The following XYLT1 variants were observed in gnomAD, a reference collection of about 807,000 sequenced individuals.
The protein encoded by XYLT1 is beta-D-xylosyltransferase 1.
XYLT1 carries 36 observed loss-of-function variants against 91.3 expected under a neutral mutation model. The ratio of observed to expected loss-of-function variants is 0.39; its 90% CI spans 0.30 to 0.52. The LOEUF (loss-of-function observed/expected upper bound fraction) is 0.52, where lower values mean the gene tolerates loss of function less well. XYLT1 is among the 20% of genes least tolerant of loss of function. The pLI, the probability that XYLT1 is intolerant of heterozygous loss-of-function variation, is 0.68. For missense variants in XYLT1, 1,242 were observed against 1,284.5 expected (o/e 0.97, Z 0.51); for synonymous variants, 588 against 532.0 (o/e 1.11, Z -1.45).
chr16:17,219,542 T>C (rs1291575246), intron 3 of XYLT1, among the ~76,000 whole-genome samples: 3 of 152,150 alleles, frequency 2.0e-5, no homozygotes, highest in African/African-American at 7.2e-5. Flanking sequence ...TCCAGGCAGG[T>C]CACTCTTCGA....
chr16:17,445,793 T>C (rs2036584202), intron 1 of XYLT1: 1 of 152,248 alleles, frequency 6.6e-6, no homozygotes, highest in Non-Finnish European at 1.5e-5. Context: ...ACACAAGCGC[T>C]TGTTCTCAGG....
At chr16:17,360,572 G>C (rs2035367903) in intron 1 of XYLT1, among the ~76,000 whole-genome samples, 1 of 152,152 alleles carries the variant, frequency 6.6e-6, no homozygotes, top group Non-Finnish European at 1.5e-5. Flanking sequence ...ATTAATACTT[G>C]GGTTTCACTT....
chr16:17,459,073 G>A (rs2036781590), intron 1 of XYLT1, among the ~76,000 whole-genome samples: 2 of 152,026 alleles, frequency 1.3e-5, no homozygotes, highest in African/African-American at 2.4e-5. Flanking sequence ...AAGAACGCAG[G>A]CAATATTTAA....
intron 2 of XYLT1, among the ~76,000 whole-genome samples, chr16:17,287,853 T>G (rs2034164911): frequency 6.6e-6 from 1 of 151,702 alleles, no homozygotes; most frequent in South Asian, 2.1e-4. Context: ...TACCAGGAGC[T>G]TAACATTTAC....
intron 3 of XYLT1, among the ~76,000 whole-genome samples, chr16:17,238,312 G>T (rs2033279905): frequency 6.6e-6 from 1 of 152,212 alleles, no homozygotes; most frequent in Non-Finnish European, 1.5e-5. Context: ...TAAAGAGTTA[G>T]ACTGTAAATA....
intron 3 of XYLT1, among the ~76,000 whole-genome samples, chr16:17,233,189 G>A (rs757346126): frequency 5.5e-4 from 84 of 152,278 alleles, no homozygotes; most frequent in Non-Finnish European, 1.1e-3. Flanking sequence ...AAAGCAACTC[G>A]ATGAGAATTT....
chr16:17,200,711 G>C, intron 3 of XYLT1, 57 bp from the exon 4 acceptor site: 2 of 1,579,916 alleles, frequency 1.3e-6, no homozygotes, highest in Middle Eastern at 1.7e-4. Context: ...ATCCTTTGCA[G>C]GGGTGGGAAG....
At chr16:17,408,164 C>A (rs1202528603) in intron 1 of XYLT1, among the ~76,000 whole-genome samples, 1 of 152,208 alleles carries the variant, frequency 6.6e-6, no homozygotes, top group Non-Finnish European at 1.5e-5. Flanking sequence ...ACGATGATAG[C>A]CTCTCAGAGC....
At chr16:17,422,207 T>C (rs2036259046) in intron 1 of XYLT1, among the ~76,000 whole-genome samples, 1 of 151,908 alleles carries the variant, frequency 6.6e-6, no homozygotes, top group Non-Finnish European at 1.5e-5. Context: ...AACTTTTTAA[T>C]CTTTGTAGAG....
Position 17,127,825 on chromosome 16 carries a change from G to A in XYLT1, c.2064C>T (p.Leu688=). ...CCTGGAAGCGGTCAGCAAGGAAGTA[G>A]AGGTGCACAGATGCTGGGTGGCCCA... ...YPMGHPASVH[L]YFLADRFQGF... is the part of the protein sequence containing the mutation. The change falls in exon 10 of 12, where the codon CTC becomes CTT. Residue 688 remains leucine, a synonymous_variant. Coordinates refer to ENST00000261381, the MANE Select transcript of XYLT1 (RefSeq NM_022166.4). The A allele has an allele frequency of 6.2e-7, 1 of 1,614,138 alleles. No individual in the cohort carries two copies. Among genetic ancestry groups the A allele is most frequent in the South Asian group, 1.1e-5 (1 of 91,082 alleles).
intron 1 of XYLT1, among the ~76,000 whole-genome samples, chr16:17,462,407 C>A (rs980600100): frequency 4.6e-5 from 7 of 152,224 alleles, no homozygotes; most frequent in South Asian, 2.1e-4. Context: ...TGACACCCCA[C>A]CCCACACCCA....
At chr16:17,284,174 G>A (rs763094292) in intron 2 of XYLT1, among the ~76,000 whole-genome samples, 16 of 152,336 alleles carry the variant, frequency 1.1e-4, no homozygotes, top group South Asian at 8.3e-4. Flanking sequence ...GTCCTGTTGC[G>A]AAGATCAAAT....
chr16:17,352,570 G>C (rs35597607), intron 2 of XYLT1, among the ~76,000 whole-genome samples: 74,258 of 152,112 alleles, frequency 0.49, 20,168 homozygotes, highest in African/African-American at 0.72. Flanking sequence ...CTCTGTCATT[G>C]GGTCTTTTTG....
At chr16:17,375,698 A>G (rs1201007243) in intron 1 of XYLT1, among the ~76,000 whole-genome samples, 2 of 152,220 alleles carry the variant, frequency 1.3e-5, no homozygotes, top group African/African-American at 4.8e-5. Context: ...GGCCGGGAAC[A>G]TGCTCCTGGG....
intron 5 of XYLT1, among the ~76,000 whole-genome samples, chr16:17,186,185 C>T (rs1374914613): frequency 6.6e-6 from 1 of 152,132 alleles, no homozygotes; most frequent in African/African-American, 2.4e-5. Context: ...CTCACTGCAA[C>T]CTCCACCTCC....
At chr16:17,240,895 A>G (rs1206833440) in intron 3 of XYLT1, among the ~76,000 whole-genome samples, 1 of 152,180 alleles carries the variant, frequency 6.6e-6, no homozygotes, top group African/African-American at 2.4e-5. Flanking sequence ...AATGTTCCAT[A>G]GCTGTTGGTA....
intron 1 of XYLT1, among the ~76,000 whole-genome samples, chr16:17,406,065 A>G (rs1457354491): frequency 6.6e-6 from 1 of 152,122 alleles, no homozygotes; most frequent in East Asian, 1.9e-4. Flanking sequence ...CATGCCTGTA[A>G]TCCCAGCTAT....
At chr16:17,441,871 C>T (rs376306187) in intron 1 of XYLT1, among the ~76,000 whole-genome samples, 10 of 152,224 alleles carry the variant, frequency 6.6e-5, no homozygotes, top group African/African-American at 2.4e-4. Flanking sequence ...AACGTCAAAG[C>T]GTTAAAGTTA....
intron 1 of XYLT1, among the ~76,000 whole-genome samples, chr16:17,388,374 G>A (rs1428541978): frequency 1.3e-5 from 2 of 152,170 alleles, no homozygotes; most frequent in East Asian, 3.8e-4. Flanking sequence ...CTGATTAGAT[G>A]ATAAGCATGT....
Sources: allele counts gnomAD v4.1 joint callset (sites outside exome capture counted in the v4.1 genomes callset), GRCh38; gene constraint gnomAD v4.1.1; transcripts MANE v1.5; gene names NCBI Gene and HGNC (gene_info 2026-07-23, HGNC 2026-07-21).